The following MEGF11 variants were observed in gnomAD, a reference collection of about 807,000 sequenced individuals.
MEGF11 encodes multiple epidermal growth factor-like domains protein 11.
In MEGF11, 126 loss-of-function variants were observed where a neutral mutation model predicts 146.6. The observed-to-expected ratio is 0.86, with a 90% CI of 0.74 to 1.00. The LOEUF is 1.00. MEGF11 is among the 50% of genes least tolerant of loss of function. The pLI is 0.00. For synonymous variants in MEGF11, 532 were observed against 583.4 expected (o/e 0.91, Z 1.27); for missense variants, 1,509 against 1,521.2 (o/e 0.99, Z 0.13).
At chr15:66,035,513 C>G (rs1441173342) in intron 5 of MEGF11, among the ~76,000 whole-genome samples, 1 of 152,200 alleles carries the variant, frequency 6.6e-6, no homozygotes, top group African/African-American at 2.4e-5. Context: ...CTTTACCTAG[C>G]CAAATTCTAC....
At chr15:66,250,678 A>C (rs1298069709) in intron 1 of MEGF11, among the ~76,000 whole-genome samples, 3 of 152,208 alleles carry the variant, frequency 2.0e-5, no homozygotes, top group Non-Finnish European at 4.4e-5. Context: ...AGGCCAAGGC[A>C]GGCAGATCAC....
intron 8 of MEGF11, 169 bp from the exon 9 acceptor site, chr15:65,965,289 G>A: frequency 1.8e-6 from 1 of 563,918 alleles, no homozygotes; most frequent in Admixed American, 3.5e-5. Context: ...GTAGTCCATG[G>A]TTTAGTTCGC....
intron 1 of MEGF11, among the ~76,000 whole-genome samples, chr15:66,200,306 C>T (rs745927720): frequency 6.6e-6 from 1 of 152,186 alleles, no homozygotes; most frequent in Non-Finnish European, 1.5e-5. Flanking sequence ...TTTACTTTTA[C>T]ATTTACACAA....
At chr15:66,026,298 AGGT>A (rs2083328689) in intron 5 of MEGF11, among the ~76,000 whole-genome samples, 1 of 152,224 alleles carries the variant, frequency 6.6e-6, no homozygotes, top group South Asian at 2.1e-4. Flanking sequence ...AACAAGCTCA[AGGT>A]GGTGCTGATG....
chr15:66,044,850 C>A (rs1193742898), intron 5 of MEGF11, among the ~76,000 whole-genome samples: 1 of 90,700 alleles, frequency 1.1e-5, no homozygotes, highest in African/African-American at 5.0e-5. Context: ...GACCTTATCT[C>A]AAAAAAAAAA....
chr15:66,201,557 G>A (rs1478392583), intron 1 of MEGF11, among the ~76,000 whole-genome samples: 1 of 152,000 alleles, frequency 6.6e-6, no homozygotes, highest in African/African-American at 2.4e-5. Flanking sequence ...CAGCTAGAAA[G>A]GAAAGTGTAA....
intron 1 of MEGF11, among the ~76,000 whole-genome samples, chr15:66,131,576 C>A (rs2088648261): frequency 6.6e-6 from 1 of 152,172 alleles, no homozygotes; most frequent in Non-Finnish European, 1.5e-5. Context: ...CAGCGGAGAG[C>A]TTGCACTGCA....
intron 5 of MEGF11, among the ~76,000 whole-genome samples, chr15:66,076,356 A>AT (rs943245045): frequency 1.4e-4 from 21 of 152,078 alleles, no homozygotes; most frequent in African/African-American, 4.8e-4. Flanking sequence ...GTAAAAAAAA[A>AT]AAAAAATACC....
At chr15:66,108,321 A>G (rs2087202650) in intron 4 of MEGF11, among the ~76,000 whole-genome samples, 1 of 152,088 alleles carries the variant, frequency 6.6e-6, no homozygotes, top group South Asian at 2.1e-4. Context: ...GGTGCCTCCA[A>G]TTTTCCAAGG....
At chr15:65,922,157 G>C in intron 15 of MEGF11, 181 bp downstream of exon 15, 1 of 672,010 alleles carries the variant, frequency 1.5e-6, no homozygotes, top group East Asian at 2.9e-5. Flanking sequence ...TGTTAACTGT[G>C]TTAGGGCCTT....
At chr15:66,008,411 GCACACA>G (rs995843726) in intron 5 of MEGF11, among the ~76,000 whole-genome samples, 37 of 52,110 alleles carry the variant, frequency 7.1e-4, no homozygotes, top group African/African-American at 1.6e-3. Flanking sequence ...ACGCGCGCGC[GCACACA>G]CACACACACA....
At chr15:66,151,188 C>A (rs376499270) in intron 1 of MEGF11, among the ~76,000 whole-genome samples, 2 of 152,156 alleles carry the variant, frequency 1.3e-5, no homozygotes. Context: ...AGGCTGCATG[C>A]GGAAAGCCAC....
chr15:66,228,613 A>G (rs1052794733), intron 1 of MEGF11, among the ~76,000 whole-genome samples: 2 of 151,990 alleles, frequency 1.3e-5, no homozygotes, highest in Non-Finnish European at 2.9e-5. Context: ...TTATCAGACC[A>G]GCATCCCCAC....
In MEGF11 at chr15:66,145,314, C is replaced by T. The variant is rs542193724; in HGVS notation, c.-8-16903G>A. ...GGGGAGGAAGCTGATATCATATGCC[C>T]TAAAACCCAAAGGGAAAAGGAGGTA... On this transcript the variant is annotated intron_variant, in intron 1 of 25. Coordinates refer to ENST00000395614, the MANE Select transcript of MEGF11 (RefSeq NM_001385028.1). Among the ~76,000 whole-genome samples, 4 of 151,858 alleles carry T rather than the reference C, an allele frequency of 2.6e-5. No individual in the cohort carries two copies. In the South Asian group the frequency reaches 6.3e-4, roughly 24 times the overall value.
At chr15:66,070,355 G>T (rs2085314461) in intron 5 of MEGF11, among the ~76,000 whole-genome samples, 1 of 152,220 alleles carries the variant, frequency 6.6e-6, no homozygotes, top group Non-Finnish European at 1.5e-5. Context: ...GGCATTACCT[G>T]CCCCACTTTA....
At chr15:65,919,740 C>G (rs1437608240) in intron 15 of MEGF11, among the ~76,000 whole-genome samples, 1 of 152,172 alleles carries the variant, frequency 6.6e-6, no homozygotes, top group Non-Finnish European at 1.5e-5. Context: ...AAGCGATTCT[C>G]CTGCCTTAGC....
rs2088473781 is a variant in MEGF11, at chr15:66,128,308, C to T, written c.96G>A (p.Glu32=). ...GCCATCTGAGGCCCACACCTTACCTCTCCCAGTGGCTGCACACGTTGGGGT... is the reference window on the plus strand; with the variant it reads ...GCCATCTGAGGCCCACACCTTACCTTTCCCAGTGGCTGCACACGTTGGGGT... The part of the protein sequence containing the change: ...PEDPNVCSHW[E]SYAVTVQESY... Residue 32 remains glutamate (E), a splice_region_variant and synonymous_variant, in exon 2 of 26, where the codon GAG becomes GAA. Transcript: ENST00000395614. 6.6e-7 allele frequency: 1 copy of T among 1,505,458 alleles called. No homozygotes were observed. The highest frequency in any genetic ancestry group is 1.3e-5 in the South Asian group (1 of 76,626). The allele number at this position is 1,505,458 out of a possible 1,614,324, so 93.3% of individuals were successfully genotyped here.
intron 5 of MEGF11, among the ~76,000 whole-genome samples, chr15:66,036,820 T>C (rs760648771): frequency 2.0e-5 from 3 of 152,214 alleles, no homozygotes; most frequent in African/African-American, 4.8e-5. Context: ...CATTCATTCA[T>C]GTAGGAAGTA....
chr15:65,937,751 C>T (rs1421387766), intron 10 of MEGF11, among the ~76,000 whole-genome samples: 1 of 152,250 alleles, frequency 6.6e-6, no homozygotes, highest in Non-Finnish European at 1.5e-5. Context: ...ATCAGAGCTT[C>T]TGATCAGCAC....
Sources: gnomAD v4.1 joint callset for allele counts (sites outside exome capture counted in the v4.1 genomes callset) on GRCh38, gnomAD v4.1.1 for gene constraint, MANE v1.5 for transcripts, NCBI Gene and HGNC (gene_info 2026-07-23, HGNC 2026-07-21) for gene names.